SLC35F1: variants seen among roughly 807,000 people sequenced by gnomAD.
SLC35F1 encodes the protein chromosome 6 open reading frame 169.
SLC35F1 carries 14 observed loss-of-function variants against 48.7 expected under a neutral mutation model. The observed-to-expected ratio is 0.29, with a 90% CI of 0.19 to 0.45. SLC35F1 has a LOEUF of 0.45. SLC35F1 is among the 20% of genes least tolerant of loss of function. SLC35F1 has a pLI of 1.00. For missense variants in SLC35F1, 404 were observed against 500.0 expected (o/e 0.81, Z 1.83); for synonymous variants, 190 against 202.2 (o/e 0.94, Z 0.51).
chr6:118,248,360 CAA>C (rs1169527030), intron 3 of SLC35F1, among the ~76,000 whole-genome samples: 6 of 152,002 alleles, frequency 3.9e-5, no homozygotes, highest in African/African-American at 1.4e-4. Context: ...CTTTACATAG[CAA>C]AAAAGACTCT....
chr6:117,991,009 A>T (rs7745245), intron 1 of SLC35F1, among the ~76,000 whole-genome samples: 1 of 152,150 alleles, frequency 6.6e-6, no homozygotes, highest in Non-Finnish European at 1.5e-5. Context: ...CCAGTTCTTA[A>T]TTTTTTTCTG....
chr6:118,264,364 G>T (rs1775746821), intron 3 of SLC35F1, among the ~76,000 whole-genome samples: 1 of 152,112 alleles, frequency 6.6e-6, no homozygotes, highest in African/African-American at 2.4e-5. Flanking sequence ...TAAGCACCAG[G>T]CTTCTCTCCT....
intron 1 of SLC35F1, among the ~76,000 whole-genome samples, chr6:117,943,118 C>G (rs1173543001): frequency 6.6e-6 from 1 of 152,118 alleles, no homozygotes; most frequent in African/African-American, 2.4e-5. Context: ...CTTGCCGATC[C>G]TGTTAATGGA....
At chr6:118,234,601 T>C (rs1775338148) in intron 2 of SLC35F1, among the ~76,000 whole-genome samples, 1 of 152,202 alleles carries the variant, frequency 6.6e-6, no homozygotes, top group East Asian at 1.9e-4. Context: ...ACCTGGTTCT[T>C]GACCCACAAA....
chr6:118,113,842 T>C (rs1158268765), intron 1 of SLC35F1, among the ~76,000 whole-genome samples: 1 of 152,218 alleles, frequency 6.6e-6, no homozygotes, highest in East Asian at 1.9e-4. Flanking sequence ...AATAATGTTG[T>C]GCTATTTTAC....
chr6:118,094,386 CA>C (rs1359616343), intron 1 of SLC35F1, among the ~76,000 whole-genome samples: 2 of 152,018 alleles, frequency 1.3e-5, no homozygotes, highest in African/African-American at 4.8e-5. Flanking sequence ...AAATATGAAG[CA>C]AAGGTCATCA....
chr6:118,140,395 G>C (rs112661517), intron 1 of SLC35F1, among the ~76,000 whole-genome samples: 6 of 152,256 alleles, frequency 3.9e-5, no homozygotes, highest in South Asian at 4.1e-4. Flanking sequence ...GTGTAGTAGC[G>C]CAATGTATTA....
At chr6:117,923,680 T>TATGTACATATGTACATATACAC (rs1554216707) in intron 1 of SLC35F1, among the ~76,000 whole-genome samples, 1 of 11,290 alleles carries the variant, frequency 8.9e-5, no homozygotes, top group Non-Finnish European at 2.5e-4. Flanking sequence ...TATATGTACA[T>TATGTACATATGTACATATACAC]ATATACATAT....
chr6:118,225,331 A>G (rs1470335512), intron 2 of SLC35F1, among the ~76,000 whole-genome samples: 1 of 152,198 alleles, frequency 6.6e-6, no homozygotes, highest in African/African-American at 2.4e-5. Context: ...CTCAGATATA[A>G]ATCTATGTAT....
chr6:117,985,795 G>GA (rs1349735538), intron 1 of SLC35F1, among the ~76,000 whole-genome samples: 1 of 152,138 alleles, frequency 6.6e-6, no homozygotes, highest in African/African-American at 2.4e-5. Flanking sequence ...TAAATTTATA[G>GA]AAAAAAGTAA....
intron 1 of SLC35F1, among the ~76,000 whole-genome samples, chr6:118,061,021 A>T (rs557757885): frequency 7.2e-5 from 11 of 152,214 alleles, no homozygotes; most frequent in Non-Finnish European, 1.5e-4. Flanking sequence ...GTGTCTCACA[A>T]TTCCAAATGT....
At chr6:118,171,333 C>A (rs1227223966) in intron 2 of SLC35F1, among the ~76,000 whole-genome samples, 2 of 152,186 alleles carry the variant, frequency 1.3e-5, no homozygotes, top group African/African-American at 4.8e-5. Context: ...GCCCAGCCTG[C>A]AGCTTACTTT....
At chr6:118,212,793 A>G (rs1004511607) in intron 2 of SLC35F1, among the ~76,000 whole-genome samples, 2 of 146,318 alleles carry the variant, frequency 1.4e-5, no homozygotes, top group Admixed American at 6.7e-5. Flanking sequence ...GAAGGAAGGA[A>G]AGAAGGAAGG....
At chr6:118,134,301 A>G (rs901938388) in intron 1 of SLC35F1, among the ~76,000 whole-genome samples, 2 of 130,002 alleles carry the variant, frequency 1.5e-5, no homozygotes, top group African/African-American at 2.7e-5. Context: ...TGCATCTTAT[A>G]GTCCATTTAT....
At chr6:118,170,245 G>A (rs1774382497) in intron 2 of SLC35F1, among the ~76,000 whole-genome samples, 1 of 152,152 alleles carries the variant, frequency 6.6e-6, no homozygotes, top group African/African-American at 2.4e-5. Flanking sequence ...TAAATGGAAA[G>A]ATCTCCTTAA....
intron 2 of SLC35F1, among the ~76,000 whole-genome samples, chr6:118,192,798 C>T (rs1372923676): frequency 6.6e-6 from 1 of 152,118 alleles, no homozygotes; most frequent in Non-Finnish European, 1.5e-5. Context: ...CTGTTTACCT[C>T]TCTTTTGCAT....
At chr6:118,256,050 T>C (rs1163962262) in intron 3 of SLC35F1, among the ~76,000 whole-genome samples, 1 of 152,180 alleles carries the variant, frequency 6.6e-6, no homozygotes, top group African/African-American at 2.4e-5. Flanking sequence ...TACTACTCCC[T>C]GGAATTACAC....
chr6:118,199,491 A>C (rs565169589), intron 2 of SLC35F1, among the ~76,000 whole-genome samples: 2 of 152,346 alleles, frequency 1.3e-5, no homozygotes, highest in Admixed American at 1.3e-4. Context: ...TCAAAGGATA[A>C]ATTTTTTAAA....
chr6:118,304,193 G>T (rs534349560), intron 7 of SLC35F1, among the ~76,000 whole-genome samples: 11 of 152,206 alleles, frequency 7.2e-5, no homozygotes, highest in African/African-American at 2.4e-4. Flanking sequence ...AAACAGAATA[G>T]AAAATTATGA....
Sources: allele counts gnomAD v4.1 joint callset (sites outside exome capture counted in the v4.1 genomes callset), GRCh38; gene constraint gnomAD v4.1.1; transcripts MANE v1.5; gene names NCBI Gene and HGNC (gene_info 2026-07-23, HGNC 2026-07-21).